The following PARD3B variants were observed in gnomAD, a reference collection of about 807,000 sequenced individuals.
The protein encoded by PARD3B is par-3 family cell polarity regulator beta.
PARD3B carries 103 observed loss-of-function variants against 130.2 expected under a neutral mutation model. That is an observed-to-expected ratio of 0.79 (90% CI 0.67 to 0.93). PARD3B has a LOEUF of 0.93. Among genes scored for constraint, PARD3B ranks in the 40% least tolerant of loss-of-function variants. PARD3B has a pLI of 0.00. For missense variants in PARD3B, 1,609 were observed against 1,499.2 expected (o/e 1.07, Z -1.21); for synonymous variants, 583 against 553.2 (o/e 1.05, Z -0.76).
intron 18 of PARD3B, among the ~76,000 whole-genome samples, chr2:205,328,641 C>T (rs990748640): frequency 4.6e-5 from 7 of 151,936 alleles, no homozygotes; most frequent in Non-Finnish European, 7.4e-5. Context: ...TGTTCTTTTT[C>T]GATTTTACTA....
intron 2 of PARD3B, among the ~76,000 whole-genome samples, chr2:204,848,380 G>A (rs955076265): frequency 4.6e-5 from 7 of 152,098 alleles, no homozygotes; most frequent in Admixed American, 1.3e-4. Context: ...TCAGCACATT[G>A]AAAAATATTA....
chr2:204,843,497 C>T (rs943053519), intron 2 of PARD3B, among the ~76,000 whole-genome samples: 4 of 152,056 alleles, frequency 2.6e-5, no homozygotes, highest in Non-Finnish European at 5.9e-5. Context: ...TCAAGTGACT[C>T]TCCTGCCTCA....
At chr2:204,695,272 C>T (rs1225051786) in intron 2 of PARD3B, among the ~76,000 whole-genome samples, 2 of 151,644 alleles carry the variant, frequency 1.3e-5, no homozygotes, top group African/African-American at 2.4e-5. Flanking sequence ...TTTTAATATA[C>T]ATCTGTTTTT....
chr2:205,026,072 C>A (rs1169626248), intron 3 of PARD3B, among the ~76,000 whole-genome samples: 1 of 152,174 alleles, frequency 6.6e-6, no homozygotes, highest in Non-Finnish European at 1.5e-5. Flanking sequence ...TCCCTTCTGG[C>A]TCTTAGAAGT....
chr2:204,818,200 T>G (rs1280372713), intron 2 of PARD3B, among the ~76,000 whole-genome samples: 1 of 152,190 alleles, frequency 6.6e-6, no homozygotes, highest in African/African-American at 2.4e-5. Flanking sequence ...AAAAGTAGAA[T>G]TACAAGAATT....
chr2:204,964,126 T>C (rs1480251470), intron 2 of PARD3B, among the ~76,000 whole-genome samples: 1 of 152,246 alleles, frequency 6.6e-6, no homozygotes, highest in Non-Finnish European at 1.5e-5. Flanking sequence ...ACTTAATGAA[T>C]AGAAAATATC....
intron 2 of PARD3B, among the ~76,000 whole-genome samples, chr2:204,738,743 G>A (rs1030191413): frequency 9.9e-5 from 15 of 152,144 alleles, no homozygotes; most frequent in African/African-American, 3.6e-4. Flanking sequence ...TGCTCCTAGA[G>A]GGTGCCCCAA....
chr2:204,994,991 G>C (rs1158018906), intron 3 of PARD3B, among the ~76,000 whole-genome samples: 6 of 150,970 alleles, frequency 4.0e-5, no homozygotes, highest in African/African-American at 1.5e-4. Flanking sequence ...CGTGAGATGG[G>C]TTTCCTGAAT....
chr2:205,240,826 T>C (rs1032753483), intron 15 of PARD3B, among the ~76,000 whole-genome samples: 3 of 152,188 alleles, frequency 2.0e-5, no homozygotes, highest in African/African-American at 7.2e-5. Context: ...TGAGAATGCA[T>C]TTGAAGTGTA....
rs373152011 is a variant in PARD3B, at chr2:205,268,555, T to C, written c.2185+22733T>C. On this transcript the variant is annotated intron_variant, in intron 16 of 22. Coordinates refer to ENST00000406610, the MANE Select transcript of PARD3B (RefSeq NM_001302769.2). This position sits in a 1 kb window ranked among gnomAD's most constrained non-coding sequence, Gnocchi z 4.1. ...TGAGTTTCAAGGACGTAGAAAAATCTGATTTGAAATCAGGTGGAAAGTGCT... is the reference window on the plus strand; with the variant it reads ...TGAGTTTCAAGGACGTAGAAAAATCCGATTTGAAATCAGGTGGAAAGTGCT... Among the ~76,000 whole-genome samples, 1 of 152,286 alleles carries C rather than the reference T, an allele frequency of 6.6e-6. No individual in the cohort carries two copies. The highest frequency in any genetic ancestry group is 2.4e-5 in the African/African-American group (1 of 41,568).
chr2:204,650,963 A>G (rs765292941), intron 1 of PARD3B, among the ~76,000 whole-genome samples: 4 of 152,138 alleles, frequency 2.6e-5, no homozygotes, highest in South Asian at 4.1e-4. Context: ...CTCACACACT[A>G]TCATGAGAAC....
At chr2:205,416,404 G>A (rs1036856926) in intron 19 of PARD3B, among the ~76,000 whole-genome samples, 1 of 150,770 alleles carries the variant, frequency 6.6e-6, no homozygotes, top group African/African-American at 2.5e-5. Flanking sequence ...TTTTCATGCT[G>A]TGTATAAAAG....
intron 2 of PARD3B, among the ~76,000 whole-genome samples, chr2:204,935,056 T>C (rs1688310601): frequency 1.3e-5 from 2 of 152,162 alleles, no homozygotes; most frequent in Non-Finnish European, 2.9e-5. Flanking sequence ...TATAACCTGA[T>C]ACCCAGACTT....
chr2:205,565,572 G>T (rs1352248474), intron 22 of PARD3B, among the ~76,000 whole-genome samples: 2 of 152,128 alleles, frequency 1.3e-5, no homozygotes, highest in African/African-American at 4.8e-5. Flanking sequence ...AGTCACTTAT[G>T]TTACCATCTT....
intron 3 of PARD3B, among the ~76,000 whole-genome samples, chr2:204,990,807 G>A (rs556596400): frequency 6.6e-6 from 1 of 152,260 alleles, no homozygotes; most frequent in East Asian, 1.9e-4. Flanking sequence ...AAGCCATAGA[G>A]AGACTCTTCT....
At chr2:205,316,574 A>G (rs1042049078) in intron 18 of PARD3B, among the ~76,000 whole-genome samples, 2 of 152,186 alleles carry the variant, frequency 1.3e-5, no homozygotes, top group African/African-American at 4.8e-5. Context: ...TTTTACTTAA[A>G]CTCCGTATCT....
In PARD3B at chr2:204,558,064, C is replaced by G. The variant is rs192638907; in HGVS notation, c.120+11945C>G. The G allele has an allele frequency of 2.0e-5, 3 of 152,228 alleles. No individual in the cohort carries two copies. In the East Asian group the frequency reaches 5.8e-4, roughly 29 times the overall value. 9.4% of individuals were successfully genotyped at this position (152,228 alleles called of 1,614,324 possible). On this transcript the variant is annotated intron_variant, in intron 1 of 22. Transcript: ENST00000406610. ...CTTAGGAGCTACTAAATTGAGCCTG[C>G]CTCCTGTTGCTGAACTCTCGTTTTT...
intron 3 of PARD3B, among the ~76,000 whole-genome samples, chr2:205,007,081 C>T (rs1448725088): frequency 6.6e-6 from 1 of 152,110 alleles, no homozygotes; most frequent in Non-Finnish European, 1.5e-5. Context: ...GAGGCAGTTT[C>T]CCTCATGCTG....
intron 10 of PARD3B, among the ~76,000 whole-genome samples, chr2:205,140,111 G>A (rs1023183682): frequency 2.6e-5 from 4 of 152,214 alleles, no homozygotes; most frequent in Admixed American, 6.5e-5. Context: ...AGGGGCAGCC[G>A]GCACATTGAG....
Sources: gnomAD v4.1 joint callset for allele counts (sites outside exome capture counted in the v4.1 genomes callset) on GRCh38, gnomAD v4.1.1 for gene constraint, Gnocchi (gnomAD v3.1) non-coding constraint, MANE v1.5 for transcripts, NCBI Gene and HGNC (gene_info 2026-07-23, HGNC 2026-07-21) for gene names.